The following CSMD1 variants were observed in gnomAD, a reference collection of about 807,000 sequenced individuals.
CSMD1 encodes CUB and sushi domain-containing protein 1.
In CSMD1, 213 loss-of-function variants were observed where a neutral mutation model predicts 417.5. The observed-to-expected ratio is 0.51, with a 90% confidence interval of 0.46 to 0.57. The LOEUF (loss-of-function observed/expected upper bound fraction) is 0.57. Among genes scored for constraint, CSMD1 ranks in the 20% least tolerant of loss-of-function variants. The pLI is 0.00. For missense variants in CSMD1, 6,923 were observed against 4,529.7 expected (o/e 1.53, Z -15.17); for synonymous variants, 2,862 against 1,736.8 (o/e 1.65, Z -16.11).
At chr8:4,006,648 G>A (rs902144645) in intron 4 of CSMD1, among the ~76,000 whole-genome samples, 3 of 152,150 alleles carry the variant, frequency 2.0e-5, no homozygotes, top group African/African-American at 7.2e-5. Context: ...AGAGGGAACA[G>A]CACTTGTTTA....
At chr8:4,103,845 C>A (rs1181013118) in intron 3 of CSMD1, among the ~76,000 whole-genome samples, 2 of 152,192 alleles carry the variant, frequency 1.3e-5, no homozygotes, top group African/African-American at 4.8e-5. Context: ...CTCTAACTCC[C>A]TGGCAGCATT....
chr8:3,861,959 T>C (rs1804740141), intron 5 of CSMD1, among the ~76,000 whole-genome samples: 1 of 152,174 alleles, frequency 6.6e-6, no homozygotes, highest in Non-Finnish European at 1.5e-5. Flanking sequence ...CCTGGTTTAA[T>C]ATCTGTTTTC....
At chr8:3,390,620 A>G (rs964611352) in intron 17 of CSMD1, among the ~76,000 whole-genome samples, 3 of 151,924 alleles carry the variant, frequency 2.0e-5, no homozygotes, top group African/African-American at 7.3e-5. Flanking sequence ...CCTTAAAGCA[A>G]CAATGAATTT....
chr8:3,508,531 T>C (rs1453149187), intron 10 of CSMD1, among the ~76,000 whole-genome samples: 1 of 151,898 alleles, frequency 6.6e-6, no homozygotes, highest in Non-Finnish European at 1.5e-5. Flanking sequence ...AAATAGAATA[T>C]TTTTTAAAGA....
chr8:3,108,499 G>T, intron 44 of CSMD1, 104 bp downstream of exon 44: 1 of 1,217,744 alleles, frequency 8.2e-7, no homozygotes, highest in South Asian at 1.5e-5. Context: ...ACACGCCCTC[G>T]GCTGAATCAA....
Position 4,016,170 on chromosome 8 carries a change from T to G in CSMD1, c.610+15735A>C, listed in dbSNP as rs533249484. 2.0e-5 allele frequency among the ~76,000 whole-genome samples: 3 copies of G among 152,282 alleles called. No individual in the cohort carries two copies. In the East Asian group the frequency reaches 5.8e-4, roughly 29 times the overall value. On this transcript the variant is annotated intron_variant, in intron 4 of 69. Transcript: ENST00000635120. ...AGGATTGCATAAAAGCATTGAACGT[T>G]CATAACGTAACACTTGCCAGAGAGG...
chr8:3,719,163 G>A (rs904907050), intron 6 of CSMD1, among the ~76,000 whole-genome samples: 3 of 152,262 alleles, frequency 2.0e-5, no homozygotes, highest in East Asian at 3.9e-4. Context: ...ATACTTCGTT[G>A]CATTAAAGTC....
chr8:4,918,236 C>T (rs1806200453), intron 1 of CSMD1, among the ~76,000 whole-genome samples: 1 of 152,200 alleles, frequency 6.6e-6, no homozygotes, highest in African/African-American at 2.4e-5. Flanking sequence ...GGACATCACT[C>T]AAGGCCCCCT....
intron 2 of CSMD1, among the ~76,000 whole-genome samples, chr8:4,548,236 G>C (rs144278442): frequency 3.7e-4 from 56 of 152,196 alleles, no homozygotes; most frequent in African/African-American, 1.2e-3. Flanking sequence ...AATGTACGTT[G>C]AGTGCAAAAA....
chr8:4,601,404 G>A (rs543654708), intron 2 of CSMD1, among the ~76,000 whole-genome samples: 2 of 152,258 alleles, frequency 1.3e-5, no homozygotes, highest in South Asian at 2.1e-4. Context: ...CTTGCATTAG[G>A]ATAGTTCTTC....
In CSMD1 at chr8:4,321,507, G is replaced by A. The variant is rs544249941; in HGVS notation, c.415+98446C>T. On this transcript the variant is annotated intron_variant, in intron 3 of 69. Transcript: ENST00000635120. ...AAGTTAGACAAACAAACCCACAGCA[G>A]AGGGATGTGTTAAGGATTAAAGGGA... Among the ~76,000 whole-genome samples the A allele has an allele frequency of 2.7e-4, 41 of 152,250 alleles. 1 individual carries two copies. The South Asian group carries it at 8.1e-3, about 30-fold the overall frequency.
At position 4,042,815 on chromosome 8, in the gene CSMD1, T is replaced by TAAAAA. The variant is rs60411612; in HGVS notation, c.416-10721_416-10717dup. Reference sequence around the variant, plus strand: ...CAATAGGTGAAGTGGTACAACATATTAAAAAAAAAAAAAAAAAAAAAAAAA... The same window carrying TAAAAA: ...CAATAGGTGAAGTGGTACAACATATTAAAAAAAAAAAAAAAAAAAAAAAAAAAAAA... On this transcript the variant is annotated intron_variant, in intron 3 of 69. Transcript: ENST00000635120. 3.9e-4 allele frequency among the ~76,000 whole-genome samples: 16 copies of TAAAAA among 41,312 alleles called. 1 individual carries two copies. Among genetic ancestry groups the TAAAAA allele is most frequent in the African/African-American group, 1.5e-3 (16 of 10,346 alleles). The allele number at this position is 41,312 out of a possible 152,430, so 27.1% of individuals were successfully genotyped here.
At chr8:3,556,211 G>C (rs535800654) in intron 10 of CSMD1, among the ~76,000 whole-genome samples, 3 of 151,612 alleles carry the variant, frequency 2.0e-5, no homozygotes, top group South Asian at 4.2e-4. Flanking sequence ...ACTTTTGTTT[G>C]TTACAGTAGA....
At chr8:3,083,649 T>TATATATATATA (rs58461366) in intron 49 of CSMD1, among the ~76,000 whole-genome samples, 33 of 11,190 alleles carry the variant, frequency 2.9e-3, no homozygotes, top group South Asian at 0.02. Context: ...TATATATATA[T>TATATATATATA]TTTTTTTTTT....
At chr8:4,034,270 A>G (rs1252743689) in intron 3 of CSMD1, among the ~76,000 whole-genome samples, 1 of 152,212 alleles carries the variant, frequency 6.6e-6, no homozygotes, top group Non-Finnish European at 1.5e-5. Context: ...GGAAATAAAT[A>G]CTAGTGTTTA....
At chr8:3,618,433 G>C (rs756305085) in intron 7 of CSMD1, among the ~76,000 whole-genome samples, 2 of 151,952 alleles carry the variant, frequency 1.3e-5, no homozygotes, top group Non-Finnish European at 2.9e-5. Context: ...AACGGGTTAA[G>C]ATATTTTTTA....
intron 2 of CSMD1, among the ~76,000 whole-genome samples, chr8:4,430,694 T>C (rs946580315): frequency 2.0e-5 from 3 of 152,132 alleles, no homozygotes; most frequent in Admixed American, 6.6e-5. Flanking sequence ...TAATAGACTA[T>C]CGGAAACAAA....
chr8:3,642,663 C>T (rs1160621057), intron 7 of CSMD1, among the ~76,000 whole-genome samples: 1 of 152,086 alleles, frequency 6.6e-6, no homozygotes. Context: ...GGAGAGATTT[C>T]ACAACTGGGC....
chr8:2,998,166 G>C lies in CSMD1; in HGVS notation c.8222C>G (p.Pro2741Arg). The C allele has an allele frequency of 1.9e-6, 3 of 1,613,958 alleles. No homozygotes were observed. The highest frequency in any genetic ancestry group is 2.5e-6 in the Non-Finnish European group (3 of 1,179,850). The change falls in exon 54 of 70, where the codon CCT becomes CGT. Residue 2741 changes from proline (P) to arginine (R), a missense_variant. Pro to Arg is a moderately radical substitution (Grantham distance 103). Transcript: ENST00000635120. ...AGTGAATCCGTGGGCAGGGTTTCCA[G>C]GGTGACCACATGTGATGGCTGTAGA... Reference protein sequence around the residue: ...PVCVPITCGHPGNPAHGFTNG... With the variant: ...PVCVPITCGHRGNPAHGFTNG...
Sources: gnomAD v4.1 joint callset for allele counts (sites outside exome capture counted in the v4.1 genomes callset) on GRCh38, gnomAD v4.1.1 for gene constraint, MANE v1.5 for transcripts, NCBI Gene and HGNC (gene_info 2026-07-23, HGNC 2026-07-21) for gene names.